PCDHAC1: variants seen among roughly 807,000 people sequenced by gnomAD.
PCDHAC1 encodes the protein protocadherin alpha subfamily C, 1, also known as protocadherin alpha-C1.
PCDHAC1 carries 42 observed loss-of-function variants against 60.0 expected under a neutral mutation model. The observed-to-expected ratio is 0.70, with a 90% confidence interval of 0.55 to 0.90. The LOEUF is 0.90. PCDHAC1 is among the 40% of genes least tolerant of loss of function. The probability of loss-of-function intolerance (pLI) is 0.00; values close to 1 mark genes in which losing one functional copy is unlikely to be tolerated. For missense variants in PCDHAC1, 1,160 were observed against 1,222.3 expected, an observed-to-expected ratio of 0.95 and a Z score of 0.76; for synonymous variants, 468 against 499.3, an observed-to-expected ratio of 0.94 and a Z score of 0.84.
At chr5:140,978,839 CT>C in intron 1 of PCDHAC1, 109 bp from the exon 2 acceptor site, 3 of 1,556,998 alleles carry the variant, frequency 1.9e-6, no homozygotes, top group Non-Finnish European at 2.6e-6. Context: ...TCATTCAATA[CT>C]TTTTTAGATG....
intron 3 of PCDHAC1, among the ~76,000 whole-genome samples, chr5:140,986,226 C>T (rs2097191326): frequency 6.6e-6 from 1 of 152,168 alleles, no homozygotes; most frequent in African/African-American, 2.4e-5. Context: ...TCTCTAGCCT[C>T]CCCTCTGTGT....
Position 140,929,080 on chromosome 5 carries a change from A to G in PCDHAC1, c.2188A>G (p.Lys730Glu). 1 of 1,614,180 alleles carries G rather than the reference A, an allele frequency of 6.2e-7. No individual in the cohort carries two copies. The highest frequency in any genetic ancestry group is 8.5e-7 in the Non-Finnish European group (1 of 1,180,036). The change falls in exon 1 of 4, where the codon AAG becomes GAG. Residue 730 changes from lysine (K) to glutamate (E), a missense_variant. Physicochemically the swap from Lys to Glu is moderately conservative, Grantham distance 56 (BLOSUM62 1). Coordinates refer to ENST00000253807, the MANE Select transcript of PCDHAC1 (RefSeq NM_018898.5). ...TACAGAGGATCTGAGGTATGGAAGT[A>G]AGATGGTTTCAAATCCTTGCATGAC... is the stretch of plus-strand genomic sequence containing the variant. ...RSTEDLRYGS[K>E]MVSNPCMTSA... is the part of the protein sequence containing the mutation.
Position 141,007,401 on chromosome 5 carries a change from A to G in PCDHAC1, c.2582-2226A>G, listed in dbSNP as rs981008239. On this transcript the variant is annotated intron_variant, in intron 3 of 3. Coordinates refer to ENST00000253807, the MANE Select transcript of PCDHAC1 (RefSeq NM_018898.5). Reference sequence around the variant, plus strand: ...CACCATCTCTACTAAAATACAAAAAAAAAAAAAAAAAAAAAAATTAGCCAG... The same window carrying G: ...CACCATCTCTACTAAAATACAAAAAGAAAAAAAAAAAAAAAAATTAGCCAG... Among the ~76,000 whole-genome samples the G allele has an allele frequency of 7.4e-4, 110 of 149,582 alleles. 1 individual carries two copies. Among genetic ancestry groups the G allele is most frequent in the Non-Finnish European group, 9.7e-4 (65 of 67,302 alleles).
At chr5:140,988,625 T>A (rs1406223989) in intron 3 of PCDHAC1, among the ~76,000 whole-genome samples, 1 of 152,176 alleles carries the variant, frequency 6.6e-6, no homozygotes, top group Non-Finnish European at 1.5e-5. Context: ...AATGGAGATG[T>A]CCTGGTTTTC....
intron 1 of PCDHAC1, chr5:140,967,193 G>A (rs1190093681): frequency 6.2e-7 from 1 of 1,613,392 alleles, no homozygotes; most frequent in Non-Finnish European, 8.5e-7. Flanking sequence ...GGACATCAAC[G>A]ACAACTCACC....
intron 3 of PCDHAC1, among the ~76,000 whole-genome samples, chr5:140,985,803 G>T (rs536777034): frequency 2.9e-5 from 4 of 139,766 alleles, no homozygotes; most frequent in Non-Finnish European, 6.0e-5. Context: ...GCAGTGGCAC[G>T]ATCTCAGCTC....
At chr5:140,943,688 G>A (rs2093547294) in intron 1 of PCDHAC1, among the ~76,000 whole-genome samples, 1 of 152,170 alleles carries the variant, frequency 6.6e-6, no homozygotes. Context: ...AAGGGATAAG[G>A]TCAAAATATT....
At chr5:140,967,174 G>A (rs1554229282) in intron 1 of PCDHAC1, 1 of 1,611,892 alleles carries the variant, frequency 6.2e-7, no homozygotes, top group Non-Finnish European at 8.5e-7. Flanking sequence ...CCGTTGAGGT[G>A]GAAATATTGG....
chr5:141,005,584 C>T (rs1307831783), intron 3 of PCDHAC1, among the ~76,000 whole-genome samples: 2 of 151,062 alleles, frequency 1.3e-5, no homozygotes, highest in Non-Finnish European at 2.9e-5. Context: ...TGCCTGTAGT[C>T]CCAGCTACAC....
intron 1 of PCDHAC1, among the ~76,000 whole-genome samples, chr5:140,941,286 C>CTCTT (rs5871754): frequency 5.6e-5 from 6 of 106,818 alleles, no homozygotes; most frequent in African/African-American, 1.4e-4. Context: ...TCCTTCCTTT[C>CTCTT]TCTTTCTTTC....
chr5:140,963,766 A>G (rs574963836), intron 1 of PCDHAC1, among the ~76,000 whole-genome samples: 1 of 152,372 alleles, frequency 6.6e-6, no homozygotes, highest in South Asian at 2.1e-4. Flanking sequence ...GTTGTATTTC[A>G]TGACGACAGC....
chr5:140,950,254 T>C (rs1554219388), intron 1 of PCDHAC1, among the ~76,000 whole-genome samples: 1 of 152,040 alleles, frequency 6.6e-6, no homozygotes. Context: ...CCTAAAGAGC[T>C]GAGTTTATCC....
At chr5:140,986,397 C>T (rs943993265) in intron 3 of PCDHAC1, among the ~76,000 whole-genome samples, 8 of 152,280 alleles carry the variant, frequency 5.3e-5, no homozygotes, top group Admixed American at 3.9e-4. Flanking sequence ...AAGGGCCAGT[C>T]GCTCATGTTA....
At chr5:140,949,944 T>TTTAGTGG (rs2094435490) in intron 1 of PCDHAC1, among the ~76,000 whole-genome samples, 1 of 151,908 alleles carries the variant, frequency 6.6e-6, no homozygotes, top group South Asian at 2.1e-4. Context: ...ATTTGCATTT[T>TTTAGTGG]TTAGTGGTTG....
intron 1 of PCDHAC1, among the ~76,000 whole-genome samples, chr5:140,937,332 C>T (rs1003482242): frequency 6.3e-4 from 96 of 152,212 alleles, no homozygotes; most frequent in African/African-American, 2.0e-3. Context: ...CCACCGCGCC[C>T]GGCTTCTTCC....
intron 1 of PCDHAC1, chr5:140,968,382 A>G: frequency 6.2e-7 from 1 of 1,614,050 alleles, no homozygotes; most frequent in Non-Finnish European, 8.5e-7. Flanking sequence ...TCCTTTGACT[A>G]TGAGAAGTTT....
chr5:140,978,887 A>T, intron 1 of PCDHAC1, 62 bp from the exon 2 acceptor site: 1 of 1,611,648 alleles, frequency 6.2e-7, no homozygotes, highest in Non-Finnish European at 8.5e-7. Context: ...ATCAATTAGC[A>T]GCATTCCTGG....
chr5:140,973,450 T>C (rs1326852534), intron 1 of PCDHAC1, among the ~76,000 whole-genome samples: 1 of 152,250 alleles, frequency 6.6e-6, no homozygotes, highest in Non-Finnish European at 1.5e-5. Context: ...TTATAATGAC[T>C]GGGGCTGTTT....
intron 1 of PCDHAC1, chr5:140,968,473 G>T (rs1389339011): frequency 6.2e-7 from 1 of 1,613,980 alleles, no homozygotes; most frequent in African/African-American, 1.3e-5. Context: ...ACGTATATGT[G>T]GTGGACATGA....
Sources: gnomAD v4.1 joint callset for allele counts (sites outside exome capture counted in the v4.1 genomes callset) on GRCh38, gnomAD v4.1.1 for gene constraint, MANE v1.5 for transcripts, NCBI Gene and HGNC (gene_info 2026-07-23, HGNC 2026-07-21) for gene names.